Variants in SOX5 observed in about 807,000 individuals in gnomAD.
SOX5 encodes the protein SRY-box transcription factor 5.
A neutral mutation model predicts 92.0 loss-of-function variants in SOX5; 9 were observed. The observed-to-expected ratio is 0.10, with a 90% CI of 0.06 to 0.17. The LOEUF (loss-of-function observed/expected upper bound fraction) is 0.17, where lower values mean the gene tolerates loss of function less well. Ranked by LOEUF, SOX5 falls within the 10% of genes least tolerant of loss-of-function variation. SOX5 has a pLI of 1.00. For synonymous variants in SOX5, 344 were observed against 336.3 expected (o/e 1.02, Z -0.25); for missense variants, 642 against 944.5 (o/e 0.68, Z 4.20).
At chr12:24,201,988 G>A (rs1957563560) in intron 4 of SOX5, among the ~76,000 whole-genome samples, 1 of 152,146 alleles carries the variant, frequency 6.6e-6, no homozygotes, top group African/African-American at 2.4e-5. Flanking sequence ...ATCTTCACTT[G>A]AGTGCTTCTT....
At chr12:23,625,941 A>G (rs2077727748) in intron 8 of SOX5, among the ~76,000 whole-genome samples, 1 of 152,126 alleles carries the variant, frequency 6.6e-6, no homozygotes. Context: ...CAGTCCCTCC[A>G]TTGTTTCACA....
intron 2 of SOX5, among the ~76,000 whole-genome samples, chr12:23,893,964 T>C (rs1250924799): frequency 6.6e-6 from 1 of 152,172 alleles, no homozygotes; most frequent in African/African-American, 2.4e-5. Flanking sequence ...CCTGTGCTCT[T>C]GTGAAGCAGC....
At chr12:24,444,931 A>G (rs1172994362) in intron 1 of SOX5, among the ~76,000 whole-genome samples, 1 of 152,156 alleles carries the variant, frequency 6.6e-6, no homozygotes, top group African/African-American at 2.4e-5. Flanking sequence ...CACAGATACA[A>G]ATATCAGAGA....
intron 7 of SOX5, among the ~76,000 whole-genome samples, chr12:23,657,164 G>C (rs917737798): frequency 2.6e-5 from 4 of 151,898 alleles, no homozygotes; most frequent in African/African-American, 9.7e-5. Flanking sequence ...AGGTATCTAA[G>C]ACCATAAGAT....
intron 4 of SOX5, among the ~76,000 whole-genome samples, chr12:24,068,698 GTGTGTGTATATATATATATATATATATA>G (rs1569531870): frequency 1.8e-5 from 1 of 56,430 alleles, no homozygotes; most frequent in African/African-American, 7.5e-5. Context: ...GTGTGTGTGT[GTGTGTGTATATATATATATATATATATA>G]TATATATATA....
intron 1 of SOX5, among the ~76,000 whole-genome samples, chr12:24,534,530 A>T (rs561847772): frequency 7.2e-5 from 11 of 152,334 alleles, no homozygotes; most frequent in Admixed American, 2.0e-4. Context: ...CACATTTTTT[A>T]AAAAATCAAT....
chr12:24,427,078 T>A (rs1051476963), intron 1 of SOX5, among the ~76,000 whole-genome samples: 1 of 152,194 alleles, frequency 6.6e-6, no homozygotes, highest in African/African-American at 2.4e-5. Flanking sequence ...GTGGAATGGG[T>A]TCAATTCATC....
intron 2 of SOX5, among the ~76,000 whole-genome samples, chr12:23,881,768 T>A (rs570074750): frequency 6.6e-6 from 1 of 152,288 alleles, no homozygotes; most frequent in South Asian, 2.1e-4. Context: ...TTGGAGATAT[T>A]CAGTGTTATA....
chr12:23,865,018 A>AAATGTTAGGGGTCAGTAC (rs1490787094), intron 2 of SOX5, among the ~76,000 whole-genome samples: 1 of 152,232 alleles, frequency 6.6e-6, no homozygotes, highest in Non-Finnish European at 1.5e-5. Flanking sequence ...AGTACATCTT[A>AAATGTTAGGGGTCAGTAC]AAGTTAATGG....
intron 11 of SOX5, among the ~76,000 whole-genome samples, chr12:23,547,548 T>C (rs1445067166): frequency 1.3e-5 from 2 of 152,078 alleles, no homozygotes; most frequent in Non-Finnish European, 2.9e-5. Flanking sequence ...ACTAATGAGA[T>C]ATTGAAATTC....
chr12:24,440,357 C>T (rs542701613), intron 1 of SOX5, among the ~76,000 whole-genome samples: 122 of 152,088 alleles, frequency 8.0e-4, no homozygotes, highest in East Asian at 2.7e-3. Flanking sequence ...GGGGTGGGAG[C>T]GGTCATAATT....
At chr12:23,622,460 A>G (rs1297080090) in intron 8 of SOX5, among the ~76,000 whole-genome samples, 1 of 152,058 alleles carries the variant, frequency 6.6e-6, no homozygotes, top group East Asian at 1.9e-4. Context: ...CTACACTTCA[A>G]TGGTTGGTTG....
Position 23,534,005 on chromosome 12 carries a change from G to C in SOX5, c.*214C>G, listed in dbSNP as rs1444166040. On this transcript the variant is annotated 3_prime_UTR_variant, in exon 15 of 15. Coordinates refer to ENST00000451604, the MANE Select transcript of SOX5 (RefSeq NM_006940.6). ...TACCCATAGCTTATTTCAATCTCTT[G>C]TTGTTGATATTGTTGTTTGCTTGTT... 2.1e-6 allele frequency: 1 copy of C among 486,564 alleles called. No homozygotes were observed. Among genetic ancestry groups the C allele is most frequent in the Non-Finnish European group, 3.7e-6 (1 of 272,440 alleles). 30.1% of individuals were successfully genotyped at this position (486,564 alleles called of 1,614,324 possible). A position where few individuals can be genotyped will look rare whatever the true frequency, so the allele number is the denominator to read the frequency against.
chr12:24,052,113 T>TTA (rs1252562682), intron 4 of SOX5, among the ~76,000 whole-genome samples: 1 of 152,132 alleles, frequency 6.6e-6, no homozygotes, highest in Non-Finnish European at 1.5e-5. Flanking sequence ...TTCAGTCCCT[T>TTA]TACTGGCTCT....
intron 4 of SOX5, among the ~76,000 whole-genome samples, chr12:24,021,764 C>T (rs11047213): frequency 0.12 from 18,920 of 152,010 alleles, 1,459 homozygotes; most frequent in African/African-American, 0.23. Context: ...TGCTCATCAT[C>T]GTGGATTATC....
intron 2 of SOX5, among the ~76,000 whole-genome samples, chr12:24,320,640 G>C (rs1193053003): frequency 6.6e-6 from 1 of 151,984 alleles, no homozygotes; most frequent in African/African-American, 2.4e-5. Flanking sequence ...CCGAGGCGGG[G>C]AGATCACAAA....
intron 4 of SOX5, among the ~76,000 whole-genome samples, chr12:24,107,666 C>G (rs142076970): frequency 6.7e-4 from 102 of 152,316 alleles, no homozygotes; most frequent in African/African-American, 2.4e-3. Context: ...GTTCCTGCAT[C>G]TTTAACGTAA....
chr12:24,180,347 A>G (rs1445958762), intron 4 of SOX5, among the ~76,000 whole-genome samples: 1 of 152,194 alleles, frequency 6.6e-6, no homozygotes, highest in Admixed American at 6.5e-5. Flanking sequence ...CCTACTGATG[A>G]GATTTCTAGT....
rs1433469405 is a variant in SOX5 at position 23,734,669 on chromosome 12, A to T, written c.810+15T>A. ...TTTTTTAAATTGTAAGTATATTGAA[A>T]TTATGATTTCTGACCTGGATCTGTT... is the stretch of plus-strand genomic sequence containing the variant. On this transcript the variant is annotated intron_variant, in intron 6 of 14. Transcript: ENST00000451604. The T allele has an allele frequency of 6.3e-7, 1 of 1,588,300 alleles. No individual in the cohort carries two copies. Among genetic ancestry groups the T allele is most frequent in the Admixed American group, 1.7e-5 (1 of 59,412 alleles).
Sources: gnomAD v4.1 joint callset for allele counts (sites outside exome capture counted in the v4.1 genomes callset) on GRCh38, gnomAD v4.1.1 for gene constraint, MANE v1.5 for transcripts, NCBI Gene and HGNC (gene_info 2026-07-23, HGNC 2026-07-21) for gene names.